The following SEMA3B variants were observed in gnomAD, a reference collection of about 807,000 sequenced individuals.
SEMA3B encodes semaphorin 3B.
SEMA3B carries 71 observed loss-of-function variants against 77.8 expected under a neutral mutation model. The observed-to-expected ratio is 0.91, with a 90% CI of 0.75 to 1.11. The LOEUF (loss-of-function observed/expected upper bound fraction) is 1.11, where lower values mean the gene tolerates loss of function less well. SEMA3B is among the 50% of genes most tolerant of loss of function. The probability of loss-of-function intolerance (pLI) is 0.00; values close to 1 mark genes in which losing one functional copy is unlikely to be tolerated. For missense variants in SEMA3B, 968 were observed against 1,056.8 expected (o/e 0.92, Z 1.17); for synonymous variants, 470 against 452.9 (o/e 1.04, Z -0.48).
Position 50,276,109 on chromosome 3 carries a change from C to G in SEMA3B, c.1846-193C>G. 2.3e-6 allele frequency: 2 copies of G among 851,872 alleles called. No homozygotes were observed. The highest frequency in any genetic ancestry group is 3.5e-6 in the Non-Finnish European group (2 of 577,674). 52.8% of individuals were successfully genotyped at this position (851,872 alleles called of 1,614,324 possible). ...CACCCCCCACCAAGTTCATGTAAACCCCGCCTCTTTCGGATTCTCCCTTGA... is the reference window on the plus strand; with the variant it reads ...CACCCCCCACCAAGTTCATGTAAACGCCGCCTCTTTCGGATTCTCCCTTGA... On this transcript the variant is annotated intron_variant, in intron 16 of 16. Transcript: ENST00000616701. The surrounding 1 kb of genome is among the most constrained non-coding windows in gnomAD (Gnocchi z 5.8).
Position 50,273,861 on chromosome 3 carries a change from G to A in SEMA3B, c.992+33G>A. The A allele has an allele frequency of 1.3e-6, 2 of 1,566,188 alleles. No homozygotes were observed. Among genetic ancestry groups the A allele is most frequent in the South Asian group, 2.3e-5 (2 of 86,450 alleles). On this transcript the variant is annotated intron_variant, in intron 9 of 16. Transcript: ENST00000616701. The surrounding 1 kb of genome is among the most constrained non-coding windows in gnomAD (Gnocchi z 6.5). ...GCAGGAGGTAGGGAGCGCCCGGGGCGGGCCGCTGGGCTCCACCCGGCCCCT... is the reference window on the plus strand; with the variant it reads ...GCAGGAGGTAGGGAGCGCCCGGGGCAGGCCGCTGGGCTCCACCCGGCCCCT...
Position 50,275,346 on chromosome 3 carries a change from G to A in SEMA3B, c.1536G>A (p.Ala512=). Residue 512 remains alanine (A), a synonymous_variant, in exon 14 of 17, where the codon GCG becomes GCA. Transcript: ENST00000616701. This position sits in a 1 kb window ranked among gnomAD's most constrained non-coding sequence, Gnocchi z 7.5. ...VASRSAVAQI[A]LHRCAAHGRV... is the part of the protein sequence containing the mutation. ...CGCGGAGCGCGGTGGCCCAGATCGC[G>A]TTGCACCGCTGCGCTGCCCACGGCC... 1.3e-6 allele frequency: 2 copies of A among 1,582,862 alleles called. No individual in the cohort carries two copies. Among genetic ancestry groups the A allele is most frequent in the Non-Finnish European group, 1.7e-6 (2 of 1,166,150 alleles).
In SEMA3B at chr3:50,271,453, G is replaced by A. The variant is rs1553705392; in HGVS notation, c.637G>A (p.Glu213Lys). 25 of 1,574,672 alleles carry A rather than the reference G, an allele frequency of 1.6e-5. No individual in the cohort carries two copies. The highest frequency in any genetic ancestry group is 2.2e-5 in the Non-Finnish European group (25 of 1,160,248). The change falls in exon 6 of 17, where the codon GAG becomes AAG. Residue 213 changes from glutamate to lysine, a missense_variant. Glu to Lys is a moderately conservative substitution (Grantham distance 56). Transcript: ENST00000616701. ...AGGGCAACGTCCAAGTCTCCGAACA[G>A]AGCCACACGACTCCCGCTGGCTCAA... The part of the protein sequence containing the change: ...SLGQRPSLRT[E>K]PHDSRWLNEP...
In SEMA3B at chr3:50,274,940, G is replaced by A; in HGVS notation, c.1449+6G>A. 3.1e-6 allele frequency: 5 copies of A among 1,607,032 alleles called. No individual in the cohort carries two copies. The highest frequency in any genetic ancestry group is 4.2e-6 in the Non-Finnish European group (5 of 1,178,256). ...AGGAGCTGCACGTGTTTGAGGTGAG[G>A]CCTCACCCCCAGTCGCCCGGGACCC... On this transcript the variant is annotated splice_donor_region_variant and intron_variant, in intron 12 of 16. Coordinates refer to ENST00000616701, the MANE Select transcript of SEMA3B (RefSeq NM_001290060.2). This position sits in a 1 kb window ranked among gnomAD's most constrained non-coding sequence, Gnocchi z 4.7.
At chr3:50,272,166 G>C (rs1413640486) in intron 6 of SEMA3B, among the ~76,000 whole-genome samples, 2 of 152,200 alleles carry the variant, frequency 1.3e-5, no homozygotes, top group Non-Finnish European at 2.9e-5. Context: ...TGGCTAGTCA[G>C]GAGGCTGAGA....
At chr3:50,272,580 G>T (rs1701081320) in intron 6 of SEMA3B, among the ~76,000 whole-genome samples, 1 of 151,992 alleles carries the variant, frequency 6.6e-6, no homozygotes, top group South Asian at 2.1e-4. Flanking sequence ...GCATGATGGT[G>T]TGCATCTGTA....
Position 50,273,465 on chromosome 3 carries a change from C to G in SEMA3B, c.810+22C>G. The stretch of plus-strand genomic sequence containing the variant: ...CCGGGTGAGGAGTCCCTGGGCCACA[C>G]CCGGCGACCCTGCCCCTACCCCTTT... On this transcript the variant is annotated intron_variant, in intron 7 of 16. Coordinates refer to ENST00000616701, the MANE Select transcript of SEMA3B (RefSeq NM_001290060.2). This position sits in a 1 kb window ranked among gnomAD's most constrained non-coding sequence, Gnocchi z 6.5. 1.2e-6 allele frequency: 2 copies of G among 1,611,386 alleles called. No individual in the cohort carries two copies. Among genetic ancestry groups the G allele is most frequent in the Non-Finnish European group, 1.7e-6 (2 of 1,178,248 alleles).
rs180954721 is a variant in SEMA3B, at chr3:50,270,555, G to A, written c.330+60G>A. 1.9e-4 allele frequency: 299 copies of A among 1,607,792 alleles called. 1 individual carries two copies. The African/African-American group carries it at 3.5e-3, about 19-fold the overall frequency. ...GGTCAGCCCCTCACCCCAGAGACAG[G>A]GCAGGGCTAAAACAGAGGCCTGCCT... On this transcript the variant is annotated intron_variant, in intron 3 of 16. Transcript: ENST00000616701. The surrounding 1 kb of genome is among the most constrained non-coding windows in gnomAD (Gnocchi z 4.7).
chr3:50,273,486 C>G lies in SEMA3B; in HGVS notation c.810+43C>G, dbSNP rs1553705804. On this transcript the variant is annotated intron_variant, in intron 7 of 16. Coordinates refer to ENST00000616701, the MANE Select transcript of SEMA3B (RefSeq NM_001290060.2). This position sits in a 1 kb window ranked among gnomAD's most constrained non-coding sequence, Gnocchi z 6.5. ...CACACCCGGCGACCCTGCCCCTACC[C>G]CTTTGCCTGCCCTGGTCTCGCCCTC... 2 of 1,609,666 alleles carry G rather than the reference C, an allele frequency of 1.2e-6. No individual in the cohort carries two copies. Among genetic ancestry groups the G allele is most frequent in the Admixed American group, 1.7e-5 (1 of 59,870 alleles).
At chr3:50,268,714 CCCT>C (rs1208130190), upstream of SEMA3B, among the ~76,000 whole-genome samples, 3 of 152,218 alleles carry the variant, frequency 2.0e-5, no homozygotes, top group Admixed American at 6.5e-5. Context: ...AGGCCTGACC[CCCT>C]CCTGTCACTC....
upstream of SEMA3B, among the ~76,000 whole-genome samples, chr3:50,268,707 C>A (rs1700964741): frequency 6.6e-6 from 1 of 152,232 alleles, no homozygotes; most frequent in East Asian, 1.9e-4. Flanking sequence ...CCTCCAGAGG[C>A]CTGACCCCCT....
Position 50,274,721 on chromosome 3 carries a change from C to G in SEMA3B, c.1358-122C>G, listed in dbSNP as rs1442431326. The G allele has an allele frequency of 4.9e-5, 68 of 1,391,914 alleles. No individual in the cohort carries two copies. The highest frequency in any genetic ancestry group is 3.0e-6 in the Non-Finnish European group (3 of 1,011,102). 86.2% of individuals were successfully genotyped at this position (1,391,914 alleles called of 1,614,324 possible). A position where few individuals can be genotyped will look rare whatever the true frequency, so the allele number is the denominator to read the frequency against. On this transcript the variant is annotated intron_variant, in intron 11 of 16. Coordinates refer to ENST00000616701, the MANE Select transcript of SEMA3B (RefSeq NM_001290060.2). This position sits in a 1 kb window ranked among gnomAD's most constrained non-coding sequence, Gnocchi z 4.7. The stretch of plus-strand genomic sequence containing the variant: ...CCCTGTGGATGCTGCCCAACCCACA[C>G]TCTTCCAGTCCACACTCTTCACAAC...
Position 50,276,139 on chromosome 3 carries a change from C to A in SEMA3B, c.1846-163C>A. On this transcript the variant is annotated intron_variant, in intron 16 of 16. Transcript: ENST00000616701. This position sits in a 1 kb window ranked among gnomAD's most constrained non-coding sequence, Gnocchi z 5.8. ...CTCTTTCGGATTCTCCCTTGAAGAC[C>A]ACCAGCTCCCAAACACTCAGCCTTA... The A allele has an allele frequency of 9.9e-7, 1 of 1,006,012 alleles. No individual in the cohort carries two copies. The highest frequency in any genetic ancestry group is 1.7e-5 in the South Asian group (1 of 57,262). 62.3% of individuals were successfully genotyped at this position (1,006,012 alleles called of 1,614,324 possible).
rs781795773 is a variant in SEMA3B, at chr3:50,273,464, A to AC, written c.810+24dup. 8.7e-6 allele frequency: 14 copies of AC among 1,610,988 alleles called. No individual in the cohort carries two copies. The South Asian group carries it at 1.5e-4, about 18-fold the overall frequency. On this transcript the variant is annotated intron_variant, in intron 7 of 16. Transcript: ENST00000616701. The surrounding 1 kb of genome is among the most constrained non-coding windows in gnomAD (Gnocchi z 6.5). Reference sequence around the variant, plus strand: ...GCCGGGTGAGGAGTCCCTGGGCCACACCCGGCGACCCTGCCCCTACCCCTT... The same window carrying AC: ...GCCGGGTGAGGAGTCCCTGGGCCACACCCCGGCGACCCTGCCCCTACCCCTT...
chr3:50,275,793 G>A lies in SEMA3B; in HGVS notation c.1794G>A (p.Gln598=), dbSNP rs1553706534. 1.2e-6 allele frequency: 2 copies of A among 1,611,998 alleles called. No individual in the cohort carries two copies. The highest frequency in any genetic ancestry group is 1.1e-5 in the South Asian group (1 of 91,032). Residue 598 remains glutamine (Q), a synonymous_variant, in exon 16 of 17, where the codon CAG becomes CAA. Coordinates refer to ENST00000616701, the MANE Select transcript of SEMA3B (RefSeq NM_001290060.2). This position sits in a 1 kb window ranked among gnomAD's most constrained non-coding sequence, Gnocchi z 7.5. ...TGGAGTGTGAGCCCCGCTCGCTGCA[G>A]GCGCGCGTGGAGTGGACTTTCCAGC... ...AFLECEPRSL[Q]ARVEWTFQRA...
At chr3:50,264,344 C>T (rs1313443143), upstream of SEMA3B, among the ~76,000 whole-genome samples, 2 of 152,218 alleles carry the variant, frequency 1.3e-5, no homozygotes, top group African/African-American at 4.8e-5. Context: ...CTGAGGCCCT[C>T]ATAGGCCTGG....
At chr3:50,271,860 C>A (rs1701064176) in intron 6 of SEMA3B, among the ~76,000 whole-genome samples, 1 of 152,192 alleles carries the variant, frequency 6.6e-6, no homozygotes, top group South Asian at 2.1e-4. Context: ...GCAGAGGGAG[C>A]ATTCCAGGCA....
Position 50,270,504 on chromosome 3 carries a change from C to T in SEMA3B, c.330+9C>T. ...CAGGGAAGGACATTGGTGTGAGTGCCAGCTGCCCGGGCCGGGAGTGGGGAG... is the reference window on the plus strand; with the variant it reads ...CAGGGAAGGACATTGGTGTGAGTGCTAGCTGCCCGGGCCGGGAGTGGGGAG... On this transcript the variant is annotated intron_variant, in intron 3 of 16. Transcript: ENST00000616701. The surrounding 1 kb of genome is among the most constrained non-coding windows in gnomAD (Gnocchi z 4.7). The T allele has an allele frequency of 6.2e-7, 1 of 1,613,484 alleles. No homozygotes were observed. The highest frequency in any genetic ancestry group is 8.5e-7 in the Non-Finnish European group (1 of 1,179,866).
At chr3:50,265,940 G>A (rs1261183012), upstream of SEMA3B, among the ~76,000 whole-genome samples, 1 of 152,204 alleles carries the variant, frequency 6.6e-6, no homozygotes, top group African/African-American at 2.4e-5. Flanking sequence ...CAGAGGACAG[G>A]GCACAGCACT....
Sources: gnomAD v4.1 joint callset for allele counts (sites outside exome capture counted in the v4.1 genomes callset) on GRCh38, gnomAD v4.1.1 for gene constraint, Gnocchi (gnomAD v3.1) non-coding constraint, MANE v1.5 for transcripts, NCBI Gene and HGNC (gene_info 2026-07-23, HGNC 2026-07-21) for gene names.